The following DERA variants were observed in gnomAD, a reference collection of about 807,000 sequenced individuals.
The protein encoded by DERA is deoxyribose-phosphate aldolase.
DERA carries 15 observed loss-of-function variants against 41.1 expected under a neutral mutation model. The observed-to-expected ratio is 0.37, with a 90% CI of 0.24 to 0.56. The LOEUF is 0.56. Ranked by LOEUF, DERA falls within the 20% of genes least tolerant of loss-of-function variation. The probability of loss-of-function intolerance (pLI) is 0.81; values close to 1 mark genes in which losing one functional copy is unlikely to be tolerated. For synonymous variants in DERA, 139 were observed against 137.4 expected (o/e 1.01, Z -0.08); for missense variants, 396 against 403.4 (o/e 0.98, Z 0.16).
chr12:15,932,034 ATAAACC>A (rs1948331832), intron 1 of DERA, among the ~76,000 whole-genome samples: 2 of 152,218 alleles, frequency 1.3e-5, no homozygotes, highest in African/African-American at 4.8e-5. Context: ...TGTAAGCCAA[ATAAACC>A]CCTTTTCTTT....
In DERA at chr12:15,940,089, C is replaced by CA. The variant is rs1290771808; in HGVS notation, c.32-16843dup. ...AAAATTTGTATCCATGTTGTCACTG[C>CA]AAAATCACATAATTATGTGTTTATC... On this transcript the variant is annotated intron_variant, in intron 1 of 8. Coordinates refer to ENST00000428559, the MANE Select transcript of DERA (RefSeq NM_015954.4). The surrounding 1 kb of genome is among the most constrained non-coding windows in gnomAD (Gnocchi z 5.1). Among the ~76,000 whole-genome samples, 1 of 152,152 alleles carries CA rather than the reference C, an allele frequency of 6.6e-6. No homozygotes were observed.
At chr12:15,953,452 AAATAAT>A (rs976047099) in intron 1 of DERA, among the ~76,000 whole-genome samples, 1 of 152,140 alleles carries the variant, frequency 6.6e-6, no homozygotes, top group African/African-American at 2.4e-5. Flanking sequence ...CTTGAACCAG[AAATAAT>A]AATAATAATA....
At position 15,935,947 on chromosome 12, in the gene DERA, C is replaced by G. The variant is rs1298952917; in HGVS notation, c.32-20989C>G. On this transcript the variant is annotated intron_variant, in intron 1 of 8. Transcript: ENST00000428559. The surrounding 1 kb of genome is among the most constrained non-coding windows in gnomAD (Gnocchi z 4.8). ...TAGAGGATCTGATTCCAAAGTGGCT[C>G]ACCCATATGGTTGGCAGCTTAGTGC... 2.0e-5 allele frequency among the ~76,000 whole-genome samples: 3 copies of G among 152,216 alleles called. No individual in the cohort carries two copies. The highest frequency in any genetic ancestry group is 3.9e-4 in the East Asian group (2 of 5,192).
intron 5 of DERA, among the ~76,000 whole-genome samples, chr12:15,964,368 G>A (rs577310664): frequency 1.8e-4 from 28 of 152,022 alleles, no homozygotes; most frequent in South Asian, 4.2e-4. Flanking sequence ...TCACCCCACT[G>A]CCCCCCAAGT....
At chr12:16,024,247 G>T (rs938782178) in intron 6 of DERA, among the ~76,000 whole-genome samples, 5 of 152,120 alleles carry the variant, frequency 3.3e-5, no homozygotes, top group African/African-American at 1.2e-4. Context: ...TGAAGTAATG[G>T]CCAGGAACTT....
chr12:15,982,944 T>A lies in DERA; in HGVS notation c.637+508T>A, dbSNP rs1565604683. On this transcript the variant is annotated intron_variant, in intron 6 of 8. Transcript: ENST00000428559. The surrounding 1 kb of genome is among the most constrained non-coding windows in gnomAD (Gnocchi z 4.0). ...TCTCTGTGAACAGCAGGTCTATCCATTTAGACATCCAAGCTTGCAGCCTAG... is the reference window on the plus strand; with the variant it reads ...TCTCTGTGAACAGCAGGTCTATCCAATTAGACATCCAAGCTTGCAGCCTAG... Among the ~76,000 whole-genome samples, 1 of 152,228 alleles carries A rather than the reference T, an allele frequency of 6.6e-6. No individual in the cohort carries two copies. Among genetic ancestry groups the A allele is most frequent in the Non-Finnish European group, 1.5e-5 (1 of 68,028 alleles).
chr12:15,977,766 A>G (rs1218228636), intron 5 of DERA, among the ~76,000 whole-genome samples: 2 of 152,198 alleles, frequency 1.3e-5, no homozygotes, highest in Admixed American at 1.3e-4. Flanking sequence ...CCTACATCTC[A>G]TGCTTCACAT....
intron 1 of DERA, among the ~76,000 whole-genome samples, chr12:15,952,054 C>T (rs1948502076): frequency 6.6e-6 from 1 of 152,124 alleles, no homozygotes; most frequent in Non-Finnish European, 1.5e-5. Flanking sequence ...GCTTGCACCA[C>T]CATGCCCAGC....
In DERA at chr12:16,014,641, G is replaced by A. The variant is rs1948968417; in HGVS notation, c.638-17901G>A. Among the ~76,000 whole-genome samples the A allele has an allele frequency of 1.3e-5, 2 of 152,232 alleles. No homozygotes were observed. Among genetic ancestry groups the A allele is most frequent in the African/African-American group, 4.8e-5 (2 of 41,470 alleles). On this transcript the variant is annotated intron_variant, in intron 6 of 8. Coordinates refer to ENST00000428559, the MANE Select transcript of DERA (RefSeq NM_015954.4). This position sits in a 1 kb window ranked among gnomAD's most constrained non-coding sequence, Gnocchi z 5.4. ...TGCTAGGGCAGTGTGGAAGGGAAATGTGGGGTTGGAGTCTCCACACAGAGT... is the reference window on the plus strand; with the variant it reads ...TGCTAGGGCAGTGTGGAAGGGAAATATGGGGTTGGAGTCTCCACACAGAGT...
chr12:16,016,770 C>T (rs1328032708), intron 6 of DERA, among the ~76,000 whole-genome samples: 14 of 108,196 alleles, frequency 1.3e-4, no homozygotes, highest in South Asian at 1.3e-3. Context: ...CCAGCCTGGG[C>T]GACAGAGTGA....
At chr12:15,930,776 T>C (rs1948321902) in intron 1 of DERA, among the ~76,000 whole-genome samples, 1 of 152,152 alleles carries the variant, frequency 6.6e-6, no homozygotes, top group Non-Finnish European at 1.5e-5. Context: ...AAGATATGCT[T>C]TTCATAGTTT....
intron 3 of DERA, among the ~76,000 whole-genome samples, chr12:15,958,557 G>A (rs1326651350): frequency 6.8e-6 from 1 of 147,982 alleles, no homozygotes; most frequent in Non-Finnish European, 1.5e-5. Flanking sequence ...TCCATCAATG[G>A]ATTAAAATGC....
rs761025085 is a variant in DERA, at chr12:16,001,735, G to C, written c.637+19299G>C. Among the ~76,000 whole-genome samples, 5 of 152,132 alleles carry C rather than the reference G, an allele frequency of 3.3e-5. No homozygotes were observed. Among genetic ancestry groups the C allele is most frequent in the African/African-American group, 4.8e-5 (2 of 41,426 alleles). On this transcript the variant is annotated intron_variant, in intron 6 of 8. Coordinates refer to ENST00000428559, the MANE Select transcript of DERA (RefSeq NM_015954.4). This position sits in a 1 kb window ranked among gnomAD's most constrained non-coding sequence, Gnocchi z 4.1. The stretch of plus-strand genomic sequence containing the variant: ...AGAGGAGAAATTTTCCCAGGAGGGC[G>C]AGGTCATGAGTTAGGAGAACACTAA...
Position 16,012,777 on chromosome 12 carries a change from A to G in DERA, c.638-19765A>G, listed in dbSNP as rs1442165660. Among the ~76,000 whole-genome samples, 12 of 152,350 alleles carry G rather than the reference A, an allele frequency of 7.9e-5. No homozygotes were observed. In the East Asian group the frequency reaches 2.3e-3, roughly 29 times the overall value. On this transcript the variant is annotated intron_variant, in intron 6 of 8. Coordinates refer to ENST00000428559, the MANE Select transcript of DERA (RefSeq NM_015954.4). The surrounding 1 kb of genome is among the most constrained non-coding windows in gnomAD (Gnocchi z 4.1). ...AAGCTCTGTAAAAATGCTGTTGAACAGATATATTTAATTTAAAAATTTTTA... is the reference window on the plus strand; with the variant it reads ...AAGCTCTGTAAAAATGCTGTTGAACGGATATATTTAATTTAAAAATTTTTA...
rs568490779 is a variant in DERA, at chr12:15,972,788, A to G, written c.509-9520A>G. ...GAGAAGGGATCTGCGTTCAGGGATCAGTGGGAGTGGTGCGGGACTCCACGA... is the reference window on the plus strand; with the variant it reads ...GAGAAGGGATCTGCGTTCAGGGATCGGTGGGAGTGGTGCGGGACTCCACGA... On this transcript the variant is annotated intron_variant, in intron 5 of 8. Transcript: ENST00000428559. This position sits in a 1 kb window ranked among gnomAD's most constrained non-coding sequence, Gnocchi z 4.4. Among the ~76,000 whole-genome samples, 49 of 152,300 alleles carry G rather than the reference A, an allele frequency of 3.2e-4. No homozygotes were observed. Among genetic ancestry groups the G allele is most frequent in the African/African-American group, 1.1e-3 (47 of 41,572 alleles).
intron 6 of DERA, 28 bp from the exon 7 acceptor site, chr12:16,032,514 C>G: frequency 8.2e-7 from 1 of 1,212,572 alleles, no homozygotes; most frequent in Non-Finnish European, 1.1e-6. Flanking sequence ...CTTTAATTAA[C>G]ATGGAGTTTT....
chr12:15,951,889 G>A (rs760094119), intron 1 of DERA, among the ~76,000 whole-genome samples: 15 of 151,782 alleles, frequency 9.9e-5, no homozygotes, highest in Non-Finnish European at 1.9e-4. Context: ...ACTTACTGAT[G>A]TACCTCGTTC....
rs1173813103 is a variant in DERA, at chr12:15,989,693, C to T, written c.637+7257C>T. ...TAGAATCAGAATCTCAAAGGGAAAC[C>T]ATTTGTCATTACATTCATAACAATT... On this transcript the variant is annotated intron_variant, in intron 6 of 8. Coordinates refer to ENST00000428559, the MANE Select transcript of DERA (RefSeq NM_015954.4). The surrounding 1 kb of genome is among the most constrained non-coding windows in gnomAD (Gnocchi z 5.2). Among the ~76,000 whole-genome samples the T allele has an allele frequency of 2.0e-5, 3 of 152,122 alleles. No individual in the cohort carries two copies. Among genetic ancestry groups the T allele is most frequent in the Non-Finnish European group, 2.9e-5 (2 of 68,026 alleles).
At position 16,012,025 on chromosome 12, in the gene DERA, G is replaced by C. The variant is rs1948949796; in HGVS notation, c.638-20517G>C. On this transcript the variant is annotated intron_variant, in intron 6 of 8. Coordinates refer to ENST00000428559, the MANE Select transcript of DERA (RefSeq NM_015954.4). The surrounding 1 kb of genome is among the most constrained non-coding windows in gnomAD (Gnocchi z 4.1). ...AACCAAGAAAAAACACATAAAACAT[G>C]CATAACTAAGTCAGTGTTTCCTCAA... Among the ~76,000 whole-genome samples the C allele has an allele frequency of 6.6e-6, 1 of 152,170 alleles. No individual in the cohort carries two copies. Among genetic ancestry groups the C allele is most frequent in the Non-Finnish European group, 1.5e-5 (1 of 68,028 alleles).
Sources: gnomAD v4.1 joint callset for allele counts (sites outside exome capture counted in the v4.1 genomes callset) on GRCh38, gnomAD v4.1.1 for gene constraint, Gnocchi (gnomAD v3.1) non-coding constraint, MANE v1.5 for transcripts, NCBI Gene and HGNC (gene_info 2026-07-23, HGNC 2026-07-21) for gene names.